The following CCSER1 variants were observed in gnomAD, a reference collection of about 807,000 sequenced individuals.
The protein encoded by CCSER1 is coiled-coil serine rich protein 1.
A neutral mutation model predicts 82.0 loss-of-function variants in CCSER1; 41 were observed. The ratio of observed to expected loss-of-function variants is 0.50; its 90% CI spans 0.39 to 0.65. The LOEUF is 0.65. Ranked by LOEUF, CCSER1 falls within the 30% of genes least tolerant of loss-of-function variation. The pLI is 0.00. For missense variants in CCSER1, 1,119 were observed against 1,064.2 expected, an observed-to-expected ratio of 1.05 and a Z score of -0.72; for synonymous variants, 414 against 383.9, an observed-to-expected ratio of 1.08 and a Z score of -0.92.
At chr4:90,472,067 T>G (rs1342706427) in intron 5 of CCSER1, among the ~76,000 whole-genome samples, 4 of 152,230 alleles carry the variant, frequency 2.6e-5, no homozygotes, top group Admixed American at 6.5e-5. Flanking sequence ...AACAAATATT[T>G]CTTTTTAATT....
At chr4:90,408,195 C>G (rs776841410) in intron 4 of CCSER1, among the ~76,000 whole-genome samples, 3 of 152,196 alleles carry the variant, frequency 2.0e-5, no homozygotes, top group Non-Finnish European at 1.5e-5. Flanking sequence ...TCTGTAGGCT[C>G]CACCTATGGG....
intron 10 of CCSER1, among the ~76,000 whole-genome samples, chr4:91,477,439 G>A (rs1043059189): frequency 1.3e-5 from 2 of 151,466 alleles, no homozygotes; most frequent in Non-Finnish European, 3.0e-5. Context: ...TGAAATGCAG[G>A]GTTTGGATTT....
At chr4:90,998,062 TTTTTA>T (rs1002750341) in intron 9 of CCSER1, among the ~76,000 whole-genome samples, 6 of 152,036 alleles carry the variant, frequency 3.9e-5, no homozygotes, top group Non-Finnish European at 8.8e-5. Flanking sequence ...ACTCGCTTCT[TTTTTA>T]TTTTATTTTA....
chr4:90,149,014 T>C (rs1726332513), intron 1 of CCSER1, among the ~76,000 whole-genome samples: 1 of 152,164 alleles, frequency 6.6e-6, no homozygotes, highest in Non-Finnish European at 1.5e-5. Flanking sequence ...TAGAATTTTA[T>C]CAGTGTTTCT....
chr4:90,604,761 G>T (rs1784430906), intron 5 of CCSER1, among the ~76,000 whole-genome samples: 1 of 152,126 alleles, frequency 6.6e-6, no homozygotes, highest in Non-Finnish European at 1.5e-5. Flanking sequence ...CTCATCTAGT[G>T]GGGACTTGGA....
chr4:90,556,585 A>G (rs1778166750), intron 5 of CCSER1, among the ~76,000 whole-genome samples: 1 of 152,040 alleles, frequency 6.6e-6, no homozygotes, highest in African/African-American at 2.4e-5. Flanking sequence ...TATATTTTGT[A>G]TGTTATATAT....
chr4:91,172,304 A>G (rs1367179845), intron 10 of CCSER1, among the ~76,000 whole-genome samples: 1 of 152,220 alleles, frequency 6.6e-6, no homozygotes, highest in East Asian at 1.9e-4. Flanking sequence ...CCAGAGTGTT[A>G]CAGAGAGAAA....
intron 10 of CCSER1, among the ~76,000 whole-genome samples, chr4:91,177,849 C>T (rs749569791): frequency 2.0e-5 from 3 of 152,006 alleles, no homozygotes; most frequent in Non-Finnish European, 4.4e-5. Flanking sequence ...CTTGCCTTCT[C>T]CTAGCTTTTG....
chr4:91,518,359 G>A (rs1760264988), intron 10 of CCSER1, among the ~76,000 whole-genome samples: 2 of 152,156 alleles, frequency 1.3e-5, no homozygotes, highest in Admixed American at 6.5e-5. Context: ...GGGTTTGGGT[G>A]GGACCCATGG....
chr4:91,258,333 A>G (rs903872024), intron 10 of CCSER1, among the ~76,000 whole-genome samples: 8 of 152,130 alleles, frequency 5.3e-5, no homozygotes, highest in African/African-American at 1.9e-4. Context: ...AATAGGATCC[A>G]ATTTTTCAAA....
At chr4:91,298,446 C>A (rs1407739391) in intron 10 of CCSER1, among the ~76,000 whole-genome samples, 1 of 151,930 alleles carries the variant, frequency 6.6e-6, no homozygotes, top group African/African-American at 2.4e-5. Flanking sequence ...CTGCCCTTGG[C>A]CTTTTGCCTT....
intron 9 of CCSER1, among the ~76,000 whole-genome samples, chr4:90,995,866 C>A (rs1397399406): frequency 6.6e-6 from 1 of 151,912 alleles, no homozygotes; most frequent in Non-Finnish European, 1.5e-5. Flanking sequence ...CTTTCTGATT[C>A]TTTTGTTATT....
In CCSER1 at chr4:91,401,745, C is replaced by A. The variant is rs1442943440; in HGVS notation, c.2218-196827C>A. Among the ~76,000 whole-genome samples the A allele has an allele frequency of 2.0e-5, 3 of 152,198 alleles. No individual in the cohort carries two copies. The East Asian group carries it at 5.8e-4, about 29-fold the overall frequency. On this transcript the variant is annotated intron_variant, in intron 10 of 10. Transcript: ENST00000509176. ...GACATGAACTCATCCTTTTGTATGG[C>A]TGCATAGTATTCCATGGTGTATATG...
chr4:90,434,880 A>G (rs1758795416), intron 4 of CCSER1, among the ~76,000 whole-genome samples: 1 of 152,170 alleles, frequency 6.6e-6, no homozygotes, highest in African/African-American at 2.4e-5. Flanking sequence ...TTACTTGTTA[A>G]ATCCTTTTCC....
chr4:90,457,310 ACTTTTCTCTCCT>A (rs1039066787), intron 4 of CCSER1, among the ~76,000 whole-genome samples: 2 of 152,144 alleles, frequency 1.3e-5, no homozygotes, highest in East Asian at 1.9e-4. Context: ...AAGAGCCTCA[ACTTTTCTCTCCT>A]CTTTTCTCTC....
intron 10 of CCSER1, among the ~76,000 whole-genome samples, chr4:91,382,159 T>A (rs1191281935): frequency 6.6e-6 from 1 of 152,154 alleles, no homozygotes; most frequent in Non-Finnish European, 1.5e-5. Context: ...GGTGTCAGTC[T>A]GCCTCTACTG....
chr4:91,118,213 TAATC>T (rs1726793974), intron 10 of CCSER1, among the ~76,000 whole-genome samples: 1 of 151,704 alleles, frequency 6.6e-6, no homozygotes. Context: ...TATTAAATAA[TAATC>T]TAACTCTTTT....
intron 10 of CCSER1, among the ~76,000 whole-genome samples, chr4:91,402,911 G>GT (rs1560643400): frequency 2.0e-5 from 3 of 152,220 alleles, no homozygotes; most frequent in African/African-American, 4.8e-5. Context: ...CTTTAAAGTA[G>GT]TTTTTTCCAA....
rs142987718 is a variant in CCSER1 at position 90,254,978 on chromosome 4, A to AACACACAC, written c.-41-53241_-41-53234dup. 1.9e-3 allele frequency among the ~76,000 whole-genome samples: 266 copies of AACACACAC among 143,012 alleles called. 1 individual carries two copies. The highest frequency in any genetic ancestry group is 7.1e-3 in the Middle Eastern group (2 of 282). The allele number at this position is 143,012 out of a possible 152,430, so 93.8% of individuals were successfully genotyped here. A position where few individuals can be genotyped will look rare whatever the true frequency, so the allele number is the denominator to read the frequency against. On this transcript the variant is annotated intron_variant, in intron 1 of 10. Coordinates refer to ENST00000509176, the MANE Select transcript of CCSER1 (RefSeq NM_001145065.2). ...TGATATACATATCAACATATATATCAACACACACACACACACACACACACA... is the reference window on the plus strand; with the variant it reads ...TGATATACATATCAACATATATATCAACACACACACACACACACACACACACACACACA...
Sources: gnomAD v4.1 joint callset for allele counts (sites outside exome capture counted in the v4.1 genomes callset) on GRCh38, gnomAD v4.1.1 for gene constraint, MANE v1.5 for transcripts, NCBI Gene and HGNC (gene_info 2026-07-23, HGNC 2026-07-21) for gene names.